B3GALT1: variants seen among roughly 807,000 people sequenced by gnomAD.
B3GALT1 encodes UDP-Gal:betaGlcNAc beta 1,3-galactosyltransferase, polypeptide 1.
B3GALT1 carries 10 observed loss-of-function variants against 23.2 expected under a neutral mutation model. The observed-to-expected ratio is 0.43, with a 90% confidence interval of 0.27 to 0.73. The LOEUF (loss-of-function observed/expected upper bound fraction) is 0.73. B3GALT1 is among the 30% of genes least tolerant of loss of function. The probability of loss-of-function intolerance (pLI) is 0.21; values close to 1 mark genes in which losing one functional copy is unlikely to be tolerated. For synonymous variants in B3GALT1, 156 were observed against 141.5 expected (o/e 1.10, Z -0.73); for missense variants, 299 against 405.4 (o/e 0.74, Z 2.25).
chr2:167,844,868 G>A (rs1381963727), intron 4 of B3GALT1, among the ~76,000 whole-genome samples: 1 of 152,172 alleles, frequency 6.6e-6, no homozygotes. Context: ...AGCCTGGCTT[G>A]CCCTCTGCCT....
At chr2:167,512,612 A>ATGTGTATATATATATATG (rs1700036532) in intron 2 of B3GALT1, among the ~76,000 whole-genome samples, 1 of 94,914 alleles carries the variant, frequency 1.1e-5, no homozygotes. Flanking sequence ...ATATATGTAT[A>ATGTGTATATATATATATG]TATATATACG....
intron 1 of B3GALT1, among the ~76,000 whole-genome samples, chr2:167,324,614 A>G (rs1470437239): frequency 6.6e-6 from 1 of 152,106 alleles, no homozygotes; most frequent in African/African-American, 2.4e-5. Context: ...GAACATATTT[A>G]TGGGATACAT....
intron 2 of B3GALT1, among the ~76,000 whole-genome samples, chr2:167,501,036 A>G (rs1158985485): frequency 1.3e-5 from 2 of 152,120 alleles, no homozygotes; most frequent in African/African-American, 4.8e-5. Context: ...AACCCATTTA[A>G]AATAGACATT....
chr2:167,505,075 T>C (rs1176116529), intron 2 of B3GALT1, among the ~76,000 whole-genome samples: 1 of 152,228 alleles, frequency 6.6e-6, no homozygotes, highest in Non-Finnish European at 1.5e-5. Context: ...TCAGCATGTA[T>C]GATATGCTAC....
At chr2:167,632,603 A>G (rs1685470140) in intron 2 of B3GALT1, among the ~76,000 whole-genome samples, 1 of 152,016 alleles carries the variant, frequency 6.6e-6, no homozygotes. Flanking sequence ...TCTTCTGAGA[A>G]GTGTCTGTTT....
chr2:167,596,540 C>T (rs549177549), intron 2 of B3GALT1, among the ~76,000 whole-genome samples: 1 of 152,246 alleles, frequency 6.6e-6, no homozygotes, highest in Admixed American at 6.5e-5. Flanking sequence ...ACTGTGTTTA[C>T]AACACTGAGT....
chr2:167,829,091 G>C (rs1042212746), intron 4 of B3GALT1, among the ~76,000 whole-genome samples: 6 of 152,130 alleles, frequency 3.9e-5, no homozygotes, highest in African/African-American at 1.4e-4. Flanking sequence ...TGAGTTACTC[G>C]GGTCTTAAAA....
At chr2:167,794,399 G>A (rs1688504585) in intron 3 of B3GALT1, among the ~76,000 whole-genome samples, 1 of 152,134 alleles carries the variant, frequency 6.6e-6, no homozygotes, top group Non-Finnish European at 1.5e-5. Flanking sequence ...TCTTTCTGTT[G>A]ATTTACTGTT....
chr2:167,305,475 G>A (rs942939634), intron 1 of B3GALT1, among the ~76,000 whole-genome samples: 2 of 152,044 alleles, frequency 1.3e-5, no homozygotes, highest in Non-Finnish European at 1.5e-5. Context: ...TATTTCACAC[G>A]TGTACAAGAA....
intron 2 of B3GALT1, among the ~76,000 whole-genome samples, chr2:167,581,087 TA>T (rs1337608031): frequency 1.3e-5 from 2 of 152,224 alleles, no homozygotes; most frequent in Admixed American, 1.3e-4. Flanking sequence ...AATAAGCTCT[TA>T]AAATTATTTG....
chr2:167,778,064 CA>C (rs1172000554), intron 3 of B3GALT1, among the ~76,000 whole-genome samples: 1 of 152,012 alleles, frequency 6.6e-6, no homozygotes, highest in Non-Finnish European at 1.5e-5. Context: ...TGGCTTAGCA[CA>C]AGAATGAATT....
At chr2:167,835,469 G>C (rs573161968) in intron 4 of B3GALT1, among the ~76,000 whole-genome samples, 5 of 152,234 alleles carry the variant, frequency 3.3e-5, no homozygotes, top group Admixed American at 3.3e-4. Context: ...AAGTGGCAGC[G>C]AGGCTGGGGG....
intron 3 of B3GALT1, among the ~76,000 whole-genome samples, chr2:167,717,880 A>C (rs777667145): frequency 6.6e-6 from 1 of 152,234 alleles, no homozygotes; most frequent in Non-Finnish European, 1.5e-5. Context: ...GTCTGTCTCT[A>C]TGCAATTTAA....
intron 4 of B3GALT1, among the ~76,000 whole-genome samples, chr2:167,845,727 A>G (rs1206246790): frequency 2.0e-5 from 3 of 151,408 alleles, no homozygotes; most frequent in Non-Finnish European, 4.4e-5. Flanking sequence ...CAACAACAAA[A>G]TCACACTTGT....
chr2:167,691,213 C>G (rs1686705688), intron 3 of B3GALT1, among the ~76,000 whole-genome samples: 1 of 152,086 alleles, frequency 6.6e-6, no homozygotes, highest in African/African-American at 2.4e-5. Flanking sequence ...TTCTTCAGAG[C>G]TGGTCAGAAC....
At chr2:167,653,411 C>T (rs192494097) in intron 3 of B3GALT1, among the ~76,000 whole-genome samples, 12 of 152,198 alleles carry the variant, frequency 7.9e-5, no homozygotes, top group Admixed American at 2.0e-4. Context: ...AAAACTCAGC[C>T]GTGCCCATGA....
Position 167,435,079 on chromosome 2 carries a change from G to T in B3GALT1, c.-510-55098G>T, listed in dbSNP as rs543133509. Among the ~76,000 whole-genome samples the T allele has an allele frequency of 4.0e-3, 590 of 149,086 alleles. 1 individual carries two copies. Among genetic ancestry groups the T allele is most frequent in the Non-Finnish European group, 6.4e-3 (432 of 67,918 alleles). On this transcript the variant is annotated intron_variant, in intron 1 of 4. Transcript: ENST00000392690. ...TTTGATAAAACCATATTATTAAACT[G>T]ATTTTTTCATAGTGGTTAACACATT...
chr2:167,333,645 A>G (rs1256391383), intron 1 of B3GALT1, among the ~76,000 whole-genome samples: 3 of 152,176 alleles, frequency 2.0e-5, no homozygotes, highest in East Asian at 1.9e-4. Context: ...AGGGAACTGT[A>G]TAAGTAACAG....
chr2:167,643,521 A>T (rs1244329181), intron 2 of B3GALT1, among the ~76,000 whole-genome samples: 1 of 152,232 alleles, frequency 6.6e-6, no homozygotes, highest in Non-Finnish European at 1.5e-5. Context: ...GAGTAATCAT[A>T]GAAGACTTGA....
Sources: gnomAD v4.1 joint callset for allele counts (sites outside exome capture counted in the v4.1 genomes callset) on GRCh38, gnomAD v4.1.1 for gene constraint, MANE v1.5 for transcripts, NCBI Gene and HGNC (gene_info 2026-07-23, HGNC 2026-07-21) for gene names.